Variants in RSL1D1 observed in about 807,000 individuals in gnomAD.
RSL1D1 encodes ribosomal L1 domain-containing protein 1.
Under a neutral mutation model 44.6 loss-of-function variants are expected in RSL1D1, and 34 were observed. That is an observed-to-expected ratio of 0.76 (90% CI 0.58 to 1.02). The LOEUF (loss-of-function observed/expected upper bound fraction) is 1.02, where lower values mean the gene tolerates loss of function less well. Ranked by LOEUF, RSL1D1 falls within the 50% of genes least tolerant of loss-of-function variation. The probability of loss-of-function intolerance (pLI) is 0.00; values close to 1 mark genes in which losing one functional copy is unlikely to be tolerated. For missense variants in RSL1D1, 767 were observed against 568.1 expected (o/e 1.35, Z -3.56); for synonymous variants, 271 against 207.4 (o/e 1.31, Z -2.63).
At chr16:11,847,262 C>G (rs1161429802) in intron 3 of RSL1D1, among the ~76,000 whole-genome samples, 1 of 152,094 alleles carries the variant, frequency 6.6e-6, no homozygotes, top group East Asian at 1.9e-4. Context: ...GTAATCCCAG[C>G]TATTCGGTAG....
At chr16:11,842,922 AT>A (rs34129214) in intron 5 of RSL1D1, among the ~76,000 whole-genome samples, 69,967 of 106,640 alleles carry the variant, frequency 0.66, 22,787 homozygotes, top group African/African-American at 0.82. Flanking sequence ...CGCCCAGCTA[AT>A]TTTTTTTTTT....
chr16:11,851,527 G>C lies in RSL1D1; in HGVS notation c.-15C>G, dbSNP rs755698397. The C allele has an allele frequency of 5.4e-5, 87 of 1,611,446 alleles. 1 individual carries two copies. The highest frequency in any genetic ancestry group is 7.0e-5 in the Non-Finnish European group (83 of 1,179,002). On this transcript the variant is annotated 5_prime_UTR_variant, in exon 1 of 9. Coordinates refer to ENST00000571133, the MANE Select transcript of RSL1D1 (RefSeq NM_015659.3). Reference sequence around the variant, plus strand: ...GAATCCTCCATCTTGTTTCCACCTCGTGAAGAGGCGCGTGTGCAACCCCAC... The same window carrying C: ...GAATCCTCCATCTTGTTTCCACCTCCTGAAGAGGCGCGTGTGCAACCCCAC...
At chr16:11,846,476 G>A (rs750439090) in intron 5 of RSL1D1, 25 bp downstream of exon 5, 1 of 1,067,756 alleles carries the variant, frequency 9.4e-7, no homozygotes, top group Non-Finnish European at 1.4e-6. Context: ...ATTAAAAGAG[G>A]CACACATGAA....
intron 8 of RSL1D1, among the ~76,000 whole-genome samples, chr16:11,838,863 A>C (rs1425864284): frequency 1.3e-5 from 2 of 150,948 alleles, no homozygotes; most frequent in South Asian, 2.1e-4. Context: ...TCTCAAAAAA[A>C]AAAAACAAAA....
At chr16:11,846,454 G>A (rs765485036) in intron 5 of RSL1D1, 47 bp downstream of exon 5, 87 of 969,934 alleles carry the variant, frequency 9.0e-5, no homozygotes, top group Non-Finnish European at 1.2e-4. Context: ...TAAAATCATT[G>A]TCAAATACAA....
intron 5 of RSL1D1, among the ~76,000 whole-genome samples, chr16:11,846,205 A>G (rs534067797): frequency 2.0e-5 from 3 of 151,468 alleles, no homozygotes; most frequent in African/African-American, 7.3e-5. Context: ...ATCCTGGCTA[A>G]CTCGGTGAAA....
chr16:11,846,300 CAGG>C (rs1446038687), intron 5 of RSL1D1, among the ~76,000 whole-genome samples, 198 bp downstream of exon 5: 2 of 150,540 alleles, frequency 1.3e-5, no homozygotes, highest in Non-Finnish European at 3.0e-5. Context: ...GAGGCTGAGG[CAGG>C]AGAATGGCGT....
chr16:11,835,960 A>G lies in RSL1D1; in HGVS notation c.*1827T>C, dbSNP rs1483756735. Reference sequence around the variant, plus strand: ...GCATAAAATCCCTCGTGGCTTGGATAAAATCCAGGGCCTGTGGCTCTGGAA... The same window carrying G: ...GCATAAAATCCCTCGTGGCTTGGATGAAATCCAGGGCCTGTGGCTCTGGAA... On this transcript the variant is annotated 3_prime_UTR_variant, in exon 9 of 9. Transcript: ENST00000571133. 1 of 152,160 alleles carries G rather than the reference A, an allele frequency of 6.6e-6. No individual in the cohort carries two copies. The highest frequency in any genetic ancestry group is 2.4e-5 in the African/African-American group (1 of 41,450). 9.4% of individuals were successfully genotyped at this position (152,160 alleles called of 1,614,324 possible).
Position 11,837,951 on chromosome 16 carries a change from C to T in RSL1D1, c.1309G>A (p.Glu437Lys). The T allele has an allele frequency of 6.2e-7, 1 of 1,614,040 alleles. No individual in the cohort carries two copies. Among genetic ancestry groups the T allele is most frequent in the Non-Finnish European group, 8.5e-7 (1 of 1,180,020 alleles). ...SPEKKPKIKE[E>K]AVKEKSPSLG... is the part of the protein sequence containing the mutation. ...GAAGGACTTTTTTCCTTCACTGCCT[C>T]TTCTTTGATTTTTGGCTTCTTCTCT... Residue 437 changes from glutamate (E) to lysine (K), a missense_variant, in exon 9 of 9, where the codon GAG becomes AAG. By Grantham distance (56) the Glu-to-Lys change is moderately conservative. Coordinates refer to ENST00000571133, the MANE Select transcript of RSL1D1 (RefSeq NM_015659.3).
At chr16:11,849,684 AT>A (rs1377372575) in intron 2 of RSL1D1, among the ~76,000 whole-genome samples, 1 of 152,168 alleles carries the variant, frequency 6.6e-6, no homozygotes, top group Non-Finnish European at 1.5e-5. Context: ...TAATAAAAAA[AT>A]AAAATAAAAT....
chr16:11,840,788 T>G (rs1479698977), intron 7 of RSL1D1, among the ~76,000 whole-genome samples: 1 of 152,046 alleles, frequency 6.6e-6, no homozygotes, highest in Non-Finnish European at 1.5e-5. Flanking sequence ...TGAACTGGTG[T>G]GTTGAAGTTA....
At position 11,841,498 on chromosome 16, in the gene RSL1D1, C is replaced by G. The variant is rs575745431; in HGVS notation, c.855+197G>C. On this transcript the variant is annotated intron_variant, in intron 7 of 8. Transcript: ENST00000571133. ...TACAAGATATTTCTATCTTAATGCGCATTACTAACATCAACTACCTCATGT... is the reference window on the plus strand; with the variant it reads ...TACAAGATATTTCTATCTTAATGCGGATTACTAACATCAACTACCTCATGT... 123 of 520,918 alleles carry G rather than the reference C, an allele frequency of 2.4e-4. 4 individuals are homozygous for G. In the South Asian group the frequency reaches 3.0e-3, roughly 13 times the overall value. The allele number at this position is 520,918 out of a possible 1,614,324, so 32.3% of individuals were successfully genotyped here. A position where few individuals can be genotyped will look rare whatever the true frequency, so the allele number is the denominator to read the frequency against.
chr16:11,839,758 G>A lies in RSL1D1; in HGVS notation c.1083C>T (p.Ser361=), dbSNP rs144452977. The part of the protein sequence containing the change: ...GKAQVKATNE[S]EDEIPQLVPI... Reference sequence around the variant, plus strand: ...GTACCAGCTGTGGGATTTCGTCTTCGGATTCATTTGTTGCTTTAACTTGGG... The same window carrying A: ...GTACCAGCTGTGGGATTTCGTCTTCAGATTCATTTGTTGCTTTAACTTGGG... The change falls in exon 8 of 9, where the codon TCC becomes TCT. Residue 361 remains serine, a synonymous_variant. Transcript: ENST00000571133. The A allele has an allele frequency of 6.9e-5, 112 of 1,613,954 alleles. No homozygotes were observed. In the African/African-American group the frequency reaches 8.8e-4, roughly 13 times the overall value.
chr16:11,842,865 C>G (rs915410402), intron 5 of RSL1D1, among the ~76,000 whole-genome samples: 1 of 151,672 alleles, frequency 6.6e-6, no homozygotes, highest in Non-Finnish European at 1.5e-5. Flanking sequence ...AAGCAATTCT[C>G]CTGCCTCAGC....
At position 11,837,744 on chromosome 16, in the gene RSL1D1, C is replaced by G. The variant is rs571892313; in HGVS notation, c.*43G>C. 1 of 1,512,590 alleles carries G rather than the reference C, an allele frequency of 6.6e-7. No individual in the cohort carries two copies. The highest frequency in any genetic ancestry group is 1.2e-5 in the South Asian group (1 of 81,648). The allele number at this position is 1,512,590 out of a possible 1,614,324, so 93.7% of individuals were successfully genotyped here. A position where few individuals can be genotyped will look rare whatever the true frequency, so the allele number is the denominator to read the frequency against. ...AGGATCTGAGTATTTCCAAAAAGCT[C>G]TGGAGGCAGCATTGAGGTTTCCTTC... On this transcript the variant is annotated 3_prime_UTR_variant, in exon 9 of 9. Transcript: ENST00000571133.
intron 3 of RSL1D1, chr16:11,847,451 A>G: frequency 2.1e-6 from 1 of 469,540 alleles, no homozygotes; most frequent in Non-Finnish European, 3.8e-6. Context: ...CAAATCAGAG[A>G]AAAACAAGAT....
chr16:11,842,308 G>A, intron 5 of RSL1D1, among the ~76,000 whole-genome samples: 1 of 151,000 alleles, frequency 6.6e-6, no homozygotes, highest in East Asian at 1.9e-4. Context: ...TCCAGCCTGG[G>A]TAACAGGGAA....
chr16:11,847,237 T>G (rs192703297), intron 3 of RSL1D1, among the ~76,000 whole-genome samples: 77 of 152,286 alleles, frequency 5.1e-4, no homozygotes, highest in South Asian at 2.9e-3. Context: ...TAGCCGGGCA[T>G]GATGGCAGGT....
chr16:11,846,857 A>C lies in RSL1D1; in HGVS notation c.385-14T>G, dbSNP rs1428269961. On this transcript the variant is annotated splice_polypyrimidine_tract_variant and intron_variant, in intron 3 of 8. Transcript: ENST00000571133. ...GAGGGAGATAATCTAGGAAGTATAG[A>C]GAAGAATAAAAACAAGAAGTTAGGA... is the stretch of plus-strand genomic sequence containing the variant. 1.6e-5 allele frequency: 26 copies of C among 1,579,488 alleles called. No individual in the cohort carries two copies. The highest frequency in any genetic ancestry group is 2.2e-5 in the Non-Finnish European group (26 of 1,156,530).
Sources: gnomAD v4.1 joint callset for allele counts (sites outside exome capture counted in the v4.1 genomes callset) on GRCh38, gnomAD v4.1.1 for gene constraint, MANE v1.5 for transcripts, NCBI Gene and HGNC (gene_info 2026-07-23, HGNC 2026-07-21) for gene names.